Variants in TNNI3K observed in about 807,000 individuals in gnomAD.
TNNI3K encodes the protein TNNI3 interacting kinase, also known as serine/threonine-protein kinase TNNI3K.
A neutral mutation model predicts 114.5 loss-of-function variants in TNNI3K; 140 were observed. That is an observed-to-expected ratio of 1.22 (90% CI 1.07 to 1.41). The LOEUF (loss-of-function observed/expected upper bound fraction) is 1.41. TNNI3K is among the 40% of genes most tolerant of loss of function. The pLI is 0.00. For synonymous variants in TNNI3K, 347 were observed against 347.5 expected, an observed-to-expected ratio of 1.00 and a Z score of 0.02; for missense variants, 1,125 against 1,007.6, an observed-to-expected ratio of 1.12 and a Z score of -1.58.
intron 5 of TNNI3K, among the ~76,000 whole-genome samples, chr1:74,330,247 T>C (rs1206038899): frequency 6.6e-6 from 1 of 152,072 alleles, no homozygotes; most frequent in Non-Finnish European, 1.5e-5. Flanking sequence ...AGGAACTCTT[T>C]GCTCTCCCTC....
At chr1:74,527,952 G>T (rs536351019) in intron 23 of TNNI3K, among the ~76,000 whole-genome samples, 1 of 152,266 alleles carries the variant, frequency 6.6e-6, no homozygotes, top group African/African-American at 2.4e-5. Context: ...GAAGGAAAGG[G>T]TTTCCACAGG....
At chr1:74,260,973 C>T (rs908273347) in intron 4 of TNNI3K, among the ~76,000 whole-genome samples, 1 of 152,006 alleles carries the variant, frequency 6.6e-6, no homozygotes, top group African/African-American at 2.4e-5. Flanking sequence ...ATTTATATTT[C>T]AAATAGCCTT....
chr1:74,472,146 T>C (rs1343595884), intron 21 of TNNI3K: 1 of 717,098 alleles, frequency 1.4e-6, no homozygotes, highest in Non-Finnish European at 2.6e-6. Flanking sequence ...GACTTTCTCC[T>C]GCCAAGGCTG....
At chr1:74,539,066 A>C (rs1027020804) in intron 23 of TNNI3K, among the ~76,000 whole-genome samples, 1 of 152,232 alleles carries the variant, frequency 6.6e-6, no homozygotes, top group African/African-American at 2.4e-5. Context: ...TAGAGACAGA[A>C]GTGAAAGCAG....
At chr1:74,480,082 A>C in intron 21 of TNNI3K, 1 of 638,672 alleles carries the variant, frequency 1.6e-6, no homozygotes, top group Non-Finnish European at 2.9e-6. Flanking sequence ...TGAGATAAGC[A>C]TCACTTAGCA....
At chr1:74,427,452 A>G (rs1665692075) in intron 17 of TNNI3K, among the ~76,000 whole-genome samples, 1 of 151,936 alleles carries the variant, frequency 6.6e-6, no homozygotes, top group African/African-American at 2.4e-5. Flanking sequence ...AATCTCCCAC[A>G]TTGTTCACCT....
At chr1:74,464,536 G>T in intron 21 of TNNI3K, 4 of 1,433,282 alleles carry the variant, frequency 2.8e-6, no homozygotes, top group Non-Finnish European at 2.7e-6. Context: ...AATAAAGTGA[G>T]GCTATTATTT....
chr1:74,311,432 G>T (rs1399268842), intron 5 of TNNI3K, among the ~76,000 whole-genome samples: 6 of 152,018 alleles, frequency 3.9e-5, no homozygotes, highest in Non-Finnish European at 8.8e-5. Context: ...CCAATTATAA[G>T]TCCCCTTGGT....
intron 17 of TNNI3K, among the ~76,000 whole-genome samples, chr1:74,427,836 C>G (rs1259163282): frequency 6.6e-6 from 1 of 152,016 alleles, no homozygotes; most frequent in African/African-American, 2.4e-5. Flanking sequence ...CTCATAGAAA[C>G]CTCAGAATCA....
chr1:74,393,220 A>T (rs1310486270), intron 17 of TNNI3K, among the ~76,000 whole-genome samples: 4 of 152,274 alleles, frequency 2.6e-5, no homozygotes, highest in African/African-American at 9.6e-5. Flanking sequence ...GCAGTGGAGA[A>T]GGACAGGAAT....
At position 74,250,696 on chromosome 1, in the gene TNNI3K, T is replaced by C. The variant is rs1271726764; in HGVS notation, c.260T>C (p.Leu87Pro). ...CGGKKSHIRT[L>P]MLKGLRPSRL... ...GGCAAGAAATCACATATTCGAACTCTTATGTTGAAAGGGCTCCGCCCATCT... is the reference window on the plus strand; with the variant it reads ...GGCAAGAAATCACATATTCGAACTCCTATGTTGAAAGGGCTCCGCCCATCT... Residue 87 changes from leucine to proline, a missense_variant, in exon 4 of 25, where the codon CTT becomes CCT. By Grantham distance (98) the Leu-to-Pro change is moderately conservative (BLOSUM62 -3). Coordinates refer to ENST00000326637, the MANE Select transcript of TNNI3K (RefSeq NM_015978.3). 1.2e-6 allele frequency: 2 copies of C among 1,612,144 alleles called. No homozygotes were observed. The highest frequency in any genetic ancestry group is 1.7e-6 in the Non-Finnish European group (2 of 1,179,452).
chr1:74,277,743 A>T (rs1656770474), intron 5 of TNNI3K, among the ~76,000 whole-genome samples: 1 of 152,236 alleles, frequency 6.6e-6, no homozygotes, highest in South Asian at 2.1e-4. Context: ...TGCAGCAAAC[A>T]TGTAAACCAA....
rs199918413 is a variant in TNNI3K at position 74,370,243 on chromosome 1, C to T, written c.1668-45C>T. The T allele has an allele frequency of 1.8e-5, 27 of 1,480,752 alleles. No individual in the cohort carries two copies. The South Asian group carries it at 1.9e-4, about 10-fold the overall frequency. The allele number at this position is 1,480,752 out of a possible 1,614,324, so 91.7% of individuals were successfully genotyped here. A position where few individuals can be genotyped will look rare whatever the true frequency, so the allele number is the denominator to read the frequency against. On this transcript the variant is annotated intron_variant, in intron 16 of 24. Transcript: ENST00000326637. Reference sequence around the variant, plus strand: ...ACACATCATTTGCTTTTTTGATATTCGTTTTGACCATTTCATCTCTGTTAA... The same window carrying T: ...ACACATCATTTGCTTTTTTGATATTTGTTTTGACCATTTCATCTCTGTTAA...
intron 23 of TNNI3K, among the ~76,000 whole-genome samples, chr1:74,516,521 T>G (rs1234758502): frequency 1.3e-5 from 2 of 152,122 alleles, no homozygotes; most frequent in African/African-American, 4.8e-5. Flanking sequence ...AAGTTCATTG[T>G]GTGTAGAGCC....
chr1:74,537,284 T>G (rs1030663373), intron 23 of TNNI3K, among the ~76,000 whole-genome samples: 3 of 152,206 alleles, frequency 2.0e-5, no homozygotes, highest in Admixed American at 2.0e-4. Flanking sequence ...TTAGGTATAT[T>G]AATAAGGGAA....
chr1:74,252,418 T>G (rs1304119775), intron 4 of TNNI3K, among the ~76,000 whole-genome samples: 1 of 152,228 alleles, frequency 6.6e-6, no homozygotes, highest in African/African-American at 2.4e-5. Context: ...TGCAAATTTC[T>G]TAACAAAAGT....
intron 20 of TNNI3K, among the ~76,000 whole-genome samples, chr1:74,447,261 C>T (rs1019665978): frequency 2.0e-5 from 3 of 148,706 alleles, no homozygotes; most frequent in African/African-American, 5.1e-5. Flanking sequence ...CTTCACATCC[C>T]TTGTAAGTTG....
At chr1:74,339,566 GTA>G (rs1387516134) in intron 7 of TNNI3K, among the ~76,000 whole-genome samples, 1 of 152,084 alleles carries the variant, frequency 6.6e-6, no homozygotes, top group Non-Finnish European at 1.5e-5. Context: ...AGTATTTACA[GTA>G]TGTTTCCATG....
At chr1:74,416,348 A>T in intron 17 of TNNI3K, 1 of 985,146 alleles carries the variant, frequency 1.0e-6, no homozygotes, top group Non-Finnish European at 1.2e-6. Context: ...TACACTAATG[A>T]TGGAGAGTAA....
Sources: allele counts gnomAD v4.1 joint callset (sites outside exome capture counted in the v4.1 genomes callset), GRCh38; gene constraint gnomAD v4.1.1; transcripts MANE v1.5; gene names NCBI Gene and HGNC (gene_info 2026-07-23, HGNC 2026-07-21).